Variants in PAAF1 observed in about 807,000 individuals in gnomAD.
PAAF1 encodes the protein proteasomal ATPase associated factor 1.
PAAF1 carries 46 observed loss-of-function variants against 52.8 expected under a neutral mutation model. That is an observed-to-expected ratio of 0.87 (90% CI 0.69 to 1.11). The LOEUF (loss-of-function observed/expected upper bound fraction) is 1.11, where lower values mean the gene tolerates loss of function less well. PAAF1 is among the 50% of genes most tolerant of loss of function. PAAF1 has a pLI of 0.00. For synonymous variants in PAAF1, 178 were observed against 172.8 expected (o/e 1.03, Z -0.24); for missense variants, 424 against 477.4 (o/e 0.89, Z 1.04).
intron 2 of PAAF1, among the ~76,000 whole-genome samples, chr11:73,886,570 G>A (rs1292464040): frequency 2.0e-5 from 3 of 150,838 alleles, no homozygotes; most frequent in African/African-American, 7.3e-5. Context: ...GCTGTTCGGA[G>A]GCTGAAGCAG....
intron 2 of PAAF1, chr11:73,880,773 C>T (rs78002088): frequency 0.089 from 12,660 of 142,362 alleles, 644 homozygotes; most frequent in South Asian, 0.27. Flanking sequence ...CTGTGGCGGG[C>T]GGATCACCTG....
intron 10 of PAAF1, among the ~76,000 whole-genome samples, chr11:73,922,757 C>T (rs908171328): frequency 2.8e-5 from 4 of 145,366 alleles, no homozygotes; most frequent in Admixed American, 2.1e-4. Context: ...GTGGAGCTTG[C>T]AGTGAGCCGA....
chr11:73,884,128 G>A (rs1302513856), intron 2 of PAAF1, among the ~76,000 whole-genome samples: 1 of 152,082 alleles, frequency 6.6e-6, no homozygotes, highest in African/African-American at 2.4e-5. Flanking sequence ...GAATGTAGAA[G>A]GTAAGTGGTT....
chr11:73,920,886 G>T, intron 10 of PAAF1, among the ~76,000 whole-genome samples: 1 of 150,424 alleles, frequency 6.6e-6, no homozygotes, highest in Non-Finnish European at 1.5e-5. Context: ...AAAAAATAAG[G>T]TTGGGTGTAG....
chr11:73,892,339 A>G (rs547720668), intron 4 of PAAF1, among the ~76,000 whole-genome samples: 32 of 151,590 alleles, frequency 2.1e-4, no homozygotes, highest in African/African-American at 7.0e-4. Flanking sequence ...AAAAAAAAAA[A>G]AAAGAAAGAA....
chr11:73,908,349 G>GTATATATGTGTGTATATATATATGTA (rs1565143776), intron 6 of PAAF1, among the ~76,000 whole-genome samples: 15 of 137,918 alleles, frequency 1.1e-4, no homozygotes, highest in South Asian at 6.7e-4. Context: ...GTATATATGT[G>GTATATATGTGTGTATATATATATGTA]TATATATGTG....
intron 7 of PAAF1, among the ~76,000 whole-genome samples, chr11:73,913,483 C>T (rs1949986584): frequency 6.6e-6 from 1 of 152,032 alleles, no homozygotes; most frequent in Non-Finnish European, 1.5e-5. Context: ...TAAAGTTACC[C>T]TCCCCATCTA....
At chr11:73,881,237 T>G (rs1948898526) in intron 2 of PAAF1, among the ~76,000 whole-genome samples, 1 of 152,144 alleles carries the variant, frequency 6.6e-6, no homozygotes, top group Non-Finnish European at 1.5e-5. Context: ...GGGTTTATAT[T>G]TTTTTAGATC....
rs1308279004 is a variant in PAAF1 at position 73,927,518 on chromosome 11, C to T, written c.*156C>T. 4.6e-6 allele frequency: 3 copies of T among 655,638 alleles called. No individual in the cohort carries two copies. The highest frequency in any genetic ancestry group is 5.4e-5 in the East Asian group (2 of 36,874). 40.6% of individuals were successfully genotyped at this position (655,638 alleles called of 1,614,324 possible). ...TCAGCTGTACTGGCCGTGTGGAACT[C>T]TCATCCCAAGACCTACTTTGAACTG... is the stretch of plus-strand genomic sequence containing the variant. On this transcript the variant is annotated 3_prime_UTR_variant, in exon 12 of 12. Transcript: ENST00000310571.
At chr11:73,885,102 A>G (rs989735215) in intron 2 of PAAF1, among the ~76,000 whole-genome samples, 1 of 149,058 alleles carries the variant, frequency 6.7e-6, no homozygotes, top group East Asian at 2.0e-4. Context: ...CTCGTGATCC[A>G]CCCGCCTCGG....
At chr11:73,924,569 G>C (rs1335281850) in intron 10 of PAAF1, 46 bp from the exon 11 acceptor site, 3 of 1,467,170 alleles carry the variant, frequency 2.0e-6, no homozygotes, top group Non-Finnish European at 2.9e-6. Flanking sequence ...TTAAACTCTG[G>C]ATGCAGTTTT....
chr11:73,876,922 C>T (rs1334101151), upstream of PAAF1: 18 of 1,174,350 alleles, frequency 1.5e-5, no homozygotes, highest in African/African-American at 3.2e-5. Flanking sequence ...TCATTGGTGG[C>T]CTCTTGGTGT....
chr11:73,924,474 T>C, intron 10 of PAAF1, 141 bp from the exon 11 acceptor site: 2 of 672,200 alleles, frequency 3.0e-6, no homozygotes, highest in Non-Finnish European at 2.5e-6. Context: ...TTGGCCCACG[T>C]AATAAGATCT....
chr11:73,900,134 G>A (rs190059306), intron 5 of PAAF1, 136 bp from the exon 6 acceptor site: 395 of 876,052 alleles, frequency 4.5e-4, no homozygotes, highest in Non-Finnish European at 5.9e-4. Flanking sequence ...AGATCCTTTG[G>A]ATATCCTTAG....
chr11:73,897,226 C>CG (rs1194386454), intron 4 of PAAF1, among the ~76,000 whole-genome samples: 1 of 88,766 alleles, frequency 1.1e-5, no homozygotes, highest in Non-Finnish European at 2.1e-5. Context: ...GCTGGCCGGG[C>CG]GGGGGGCTGA....
At position 73,887,244 on chromosome 11, in the gene PAAF1, G is replaced by C; in HGVS notation, c.89-110G>C. On this transcript the variant is annotated intron_variant, in intron 2 of 11. Coordinates refer to ENST00000310571, the MANE Select transcript of PAAF1 (RefSeq NM_025155.3). ...CACAGGCACCTGTTTTTCTTTCGTG[G>C]GCCAATTTCATGGGTATACTATTTA... The C allele has an allele frequency of 8.8e-6, 6 of 685,496 alleles. 1 individual carries two copies. In the South Asian group the frequency reaches 1.2e-4, roughly 14 times the overall value. The allele number at this position is 685,496 out of a possible 1,614,324, so 42.5% of individuals were successfully genotyped here.
At chr11:73,906,345 C>T (rs919173855) in intron 6 of PAAF1, among the ~76,000 whole-genome samples, 8 of 152,256 alleles carry the variant, frequency 5.3e-5, no homozygotes, top group East Asian at 3.9e-4. Context: ...CTCTGCCTCT[C>T]GGGTTCAAGT....
chr11:73,891,877 TA>T (rs1949211443), intron 4 of PAAF1, among the ~76,000 whole-genome samples: 1 of 152,240 alleles, frequency 6.6e-6, no homozygotes, highest in African/African-American at 2.4e-5. Context: ...AAATTTCAAA[TA>T]TACCACATTG....
intron 6 of PAAF1, among the ~76,000 whole-genome samples, chr11:73,907,103 T>A (rs1201241760): frequency 3.3e-5 from 5 of 152,126 alleles, no homozygotes; most frequent in Admixed American, 3.3e-4. Flanking sequence ...CCATTGTAAG[T>A]CTTTATGTCT....
Sources: allele counts gnomAD v4.1 joint callset (sites outside exome capture counted in the v4.1 genomes callset), GRCh38; gene constraint gnomAD v4.1.1; transcripts MANE v1.5; gene names NCBI Gene and HGNC (gene_info 2026-07-23, HGNC 2026-07-21).